The following FAM184B variants were observed in gnomAD, a reference collection of about 807,000 sequenced individuals.
FAM184B encodes family with sequence similarity 184 member B, also known as protein FAM184B.
A neutral mutation model predicts 135.9 loss-of-function variants in FAM184B; 111 were observed. The ratio of observed to expected loss-of-function variants is 0.82; its 90% CI spans 0.70 to 0.96. FAM184B has a LOEUF of 0.96. Ranked by LOEUF, FAM184B falls within the 40% of genes least tolerant of loss-of-function variation. The probability of loss-of-function intolerance (pLI) is 0.00; values close to 1 mark genes in which losing one functional copy is unlikely to be tolerated. For missense variants in FAM184B, 1,375 were observed against 1,323.9 expected, an observed-to-expected ratio of 1.04 and a Z score of -0.60; for synonymous variants, 552 against 524.8, an observed-to-expected ratio of 1.05 and a Z score of -0.71.
Position 17,633,849 on chromosome 4 carries a change from C to A in FAM184B, c.2929G>T (p.Val977Leu), listed in dbSNP as rs569401398. 12 of 1,551,194 alleles carry A rather than the reference C, an allele frequency of 7.7e-6. No individual in the cohort carries two copies. The highest frequency in any genetic ancestry group is 1.0e-5 in the Non-Finnish European group (12 of 1,146,834). Residue 977 changes from valine to leucine, a missense_variant, in exon 17 of 18, where the codon GTG becomes TTG. Val to Leu is a conservative substitution (Grantham distance 32, BLOSUM62 1). Transcript: ENST00000265018. ...TTTGCATAGGAGGCGAGGTTCGGCA[C>A]GCTGACCACGCGGCTGGGCACGTCC... ...VEDVPSRVVS[V>L]PNLASYAKNF...
At chr4:17,735,374 T>TA (rs573913638) in intron 1 of FAM184B, among the ~76,000 whole-genome samples, 2 of 151,986 alleles carry the variant, frequency 1.3e-5, no homozygotes, top group East Asian at 3.8e-4. Context: ...AGTTCGATTA[T>TA]AAAAAAAATT....
At position 17,642,185 on chromosome 4, in the gene FAM184B, G is replaced by C; in HGVS notation, c.2390C>G (p.Ala797Gly). 1 of 1,529,406 alleles carries C rather than the reference G, an allele frequency of 6.5e-7. No individual in the cohort carries two copies. Among genetic ancestry groups the C allele is most frequent in the Non-Finnish European group, 8.7e-7 (1 of 1,143,976 alleles). The allele number at this position is 1,529,406 out of a possible 1,614,324, so 94.7% of individuals were successfully genotyped here. ...PGQAGSPPGA[A>G]GQGSGEGCGL... ...GCATCCCTCGCCGGAACCCTGCCCAGCAGCGCCCGGTGGGGAGCCGGCCTG... is the reference window on the plus strand; with the variant it reads ...GCATCCCTCGCCGGAACCCTGCCCACCAGCGCCCGGTGGGGAGCCGGCCTG... The change falls in exon 13 of 18, where the codon GCT becomes GGT. Residue 797 changes from alanine (A) to glycine (G), a missense_variant. Ala to Gly is a moderately conservative substitution (Grantham distance 60). Transcript: ENST00000265018.
chr4:17,748,190 C>T (rs1294382512), intron 1 of FAM184B, among the ~76,000 whole-genome samples: 1 of 150,980 alleles, frequency 6.6e-6, no homozygotes. Flanking sequence ...ACTTAGAATG[C>T]TGCTCCACCG....
At chr4:17,652,068 T>C (rs937875943) in intron 11 of FAM184B, among the ~76,000 whole-genome samples, 3 of 151,946 alleles carry the variant, frequency 2.0e-5, no homozygotes, top group Non-Finnish European at 4.4e-5. Flanking sequence ...ATGATGATGA[T>C]AATGATAGTA....
At chr4:17,750,866 CATT>C (rs1317527820) in intron 1 of FAM184B, among the ~76,000 whole-genome samples, 3 of 152,128 alleles carry the variant, frequency 2.0e-5, no homozygotes, top group Admixed American at 6.6e-5. Context: ...AATTCTGTCT[CATT>C]ATGCCTGATC....
At chr4:17,662,052 T>A (rs1286933880) in intron 8 of FAM184B, among the ~76,000 whole-genome samples, 1 of 152,202 alleles carries the variant, frequency 6.6e-6, no homozygotes, top group Non-Finnish European at 1.5e-5. Context: ...TCACCATAGA[T>A]CACTTTTGCC....
intron 1 of FAM184B, among the ~76,000 whole-genome samples, chr4:17,721,442 G>C (rs1057033527): frequency 2.0e-5 from 3 of 148,618 alleles, no homozygotes; most frequent in Admixed American, 1.3e-4. Context: ...TCCGAGTGCA[G>C]AGGATACCCA....
Position 17,709,556 on chromosome 4 carries a change from G to C in FAM184B, c.230C>G (p.Ala77Gly), listed in dbSNP as rs1322234343. The C allele has an allele frequency of 6.5e-7, 1 of 1,550,346 alleles. No homozygotes were observed. The highest frequency in any genetic ancestry group is 8.7e-7 in the Non-Finnish European group (1 of 1,146,844). ...GAGCCTGGCCTTGGTCTCTGCCACC[G>C]CATTCTGGAGCTCCTCCTGGTGCGC... ...REAHQEELQNAVAETKARLLQ... is the reference protein window; with the variant it reads ...REAHQEELQNGVAETKARLLQ... Residue 77 changes from alanine (A) to glycine (G), a missense_variant, in exon 2 of 18, where the codon GCG becomes GGG. By Grantham distance (60) the Ala-to-Gly change is moderately conservative (BLOSUM62 0). Transcript: ENST00000265018.
chr4:17,731,431 C>A (rs539949134), intron 1 of FAM184B, among the ~76,000 whole-genome samples: 176 of 152,182 alleles, frequency 1.2e-3, no homozygotes, highest in African/African-American at 3.9e-3. Context: ...TTCAGGAAAC[C>A]CATCTCACGT....
chr4:17,636,677 CTTACAGCAA>C (rs1715148151), intron 14 of FAM184B, 32 bp from the exon 15 acceptor site: 2 of 1,481,702 alleles, frequency 1.3e-6, no homozygotes, highest in African/African-American at 1.4e-5. Flanking sequence ...TCAAGTCCCC[CTTACAGCAA>C]TTACTCAACA....
chr4:17,767,766 T>C (rs1482628140), intron 1 of FAM184B, among the ~76,000 whole-genome samples: 1 of 124,634 alleles, frequency 8.0e-6, no homozygotes, highest in African/African-American at 3.1e-5. Flanking sequence ...GATGAGAAAT[T>C]AAAAGATCAC....
intron 2 of FAM184B, 127 bp from the exon 3 acceptor site, chr4:17,707,911 T>A (rs2108965355): frequency 9.7e-7 from 1 of 1,033,880 alleles, no homozygotes; most frequent in South Asian, 1.7e-5. Context: ...GTCAGTGGAA[T>A]TCAGTGGCCC....
At chr4:17,686,740 G>A (rs186635256) in intron 7 of FAM184B, among the ~76,000 whole-genome samples, 4 of 152,322 alleles carry the variant, frequency 2.6e-5, no homozygotes, top group Admixed American at 2.0e-4. Flanking sequence ...TCAGGAGTTC[G>A]AGACTAGCCT....
At chr4:17,653,042 A>G in intron 10 of FAM184B, 59 bp from the exon 11 acceptor site, 3 of 1,497,192 alleles carry the variant, frequency 2.0e-6, no homozygotes, top group Non-Finnish European at 2.7e-6. Flanking sequence ...GGGAGACCTG[A>G]CTCCTTTGCC....
intron 17 of FAM184B, 98 bp from the exon 18 acceptor site, chr4:17,632,723 A>G (rs1714995581): frequency 1.2e-6 from 1 of 811,602 alleles, no homozygotes; most frequent in Non-Finnish European, 2.0e-6. Context: ...CTGCTTGTTT[A>G]CTCTTCAAAA....
At position 17,707,648 on chromosome 4, in the gene FAM184B, C is replaced by T. The variant is rs1441345961; in HGVS notation, c.1030+1G>A. ...AAGGAAATCATTCCAGGGCATCTCACCTGTCTGCTGTGTCCCACGACACTC... is the reference window on the plus strand; with the variant it reads ...AAGGAAATCATTCCAGGGCATCTCATCTGTCTGCTGTGTCCCACGACACTC... On this transcript the variant is annotated splice_donor_variant, in intron 3 of 17. Transcript: ENST00000265018. LOFTEE classifies it high-confidence loss of function. 24 of 1,551,534 alleles carry T rather than the reference C, an allele frequency of 1.5e-5. No individual in the cohort carries two copies. The highest frequency in any genetic ancestry group is 2.1e-5 in the Non-Finnish European group (24 of 1,146,992).
At chr4:17,778,155 C>G (rs1718968713) in intron 1 of FAM184B, among the ~76,000 whole-genome samples, 1 of 151,102 alleles carries the variant, frequency 6.6e-6, no homozygotes, top group Non-Finnish European at 1.5e-5. Flanking sequence ...ACCTGCTGGA[C>G]AGTAAAAATA....
Position 17,652,934 on chromosome 4 carries a change from T to G in FAM184B, c.2087A>C (p.Gln696Pro). 3 of 1,551,740 alleles carry G rather than the reference T, an allele frequency of 1.9e-6. No homozygotes were observed. The highest frequency in any genetic ancestry group is 2.6e-6 in the Non-Finnish European group (3 of 1,146,996). Residue 696 changes from glutamine (Q) to proline (P), a missense_variant, in exon 11 of 18, where the codon CAA becomes CCA. By Grantham distance (76) the Gln-to-Pro change is moderately conservative. Coordinates refer to ENST00000265018, the MANE Select transcript of FAM184B (RefSeq NM_015688.2). ...KKESSHSLQI[Q>P]HQTHRLELQA... ...GAGCTCCAGTCGGTGTGTCTGGTGT[T>G]GGATCTGGAGGCTGTGGCTGGATTC...
intron 1 of FAM184B, among the ~76,000 whole-genome samples, chr4:17,773,868 C>T (rs925387817): frequency 2.0e-5 from 3 of 152,174 alleles, no homozygotes; most frequent in South Asian, 2.1e-4. Context: ...TGAGCCACCG[C>T]GCCCAGCCAA....
Sources: gnomAD v4.1 joint callset for allele counts (sites outside exome capture counted in the v4.1 genomes callset) on GRCh38, gnomAD v4.1.1 for gene constraint, MANE v1.5 for transcripts, NCBI Gene and HGNC (gene_info 2026-07-23, HGNC 2026-07-21) for gene names.